Variants in SNX7 observed in about 807,000 individuals in gnomAD.
SNX7 encodes the protein sorting nexin-7.
In SNX7, 35 loss-of-function variants were observed where a neutral mutation model predicts 48.4. That is an observed-to-expected ratio of 0.72 (90% CI 0.55 to 0.96). The LOEUF (loss-of-function observed/expected upper bound fraction) is 0.96, where lower values mean the gene tolerates loss of function less well. Ranked by LOEUF, SNX7 falls within the 40% of genes least tolerant of loss-of-function variation. The pLI, the probability that SNX7 is intolerant of heterozygous loss-of-function variation, is 0.00. For missense variants in SNX7, 553 were observed against 548.9 expected (o/e 1.01, Z -0.07); for synonymous variants, 190 against 190.2 (o/e 1.00, Z 0.01).
intron 8 of SNX7, among the ~76,000 whole-genome samples, chr1:98,754,132 C>A (rs929424410): frequency 6.6e-6 from 1 of 151,818 alleles, no homozygotes; most frequent in Admixed American, 6.6e-5. Context: ...AATTTTTTGT[C>A]TGTTGAGATA....
At chr1:98,744,510 A>G (rs1654226104) in intron 8 of SNX7, among the ~76,000 whole-genome samples, 1 of 151,980 alleles carries the variant, frequency 6.6e-6, no homozygotes, top group Middle Eastern at 3.2e-3. Flanking sequence ...GTCAAATGAG[A>G]GTAGGTATGA....
intron 7 of SNX7, among the ~76,000 whole-genome samples, chr1:98,734,385 A>T (rs1368952302): frequency 6.6e-6 from 1 of 152,144 alleles, no homozygotes; most frequent in Non-Finnish European, 1.5e-5. Context: ...AAAGCCACAG[A>T]CAAGCTTGTC....
At chr1:98,690,968 T>C in intron 2 of SNX7, 107 bp from the exon 3 acceptor site, 1 of 585,720 alleles carries the variant, frequency 1.7e-6, no homozygotes, top group Non-Finnish European at 2.7e-6. Context: ...TTAGGATGTG[T>C]TAATTTTTCT....
rs1386285548 is a variant in SNX7 at position 98,695,495 on chromosome 1, A to G, written c.640-23A>G. 3 of 1,606,596 alleles carry G rather than the reference A, an allele frequency of 1.9e-6. No individual in the cohort carries two copies. The Admixed American group carries it at 5.1e-5, about 27-fold the overall frequency. On this transcript the variant is annotated intron_variant, in intron 4 of 8. Transcript: ENST00000306121. ...GAATATTGAGACTTGTTTCACTAGA[A>G]ATACTTGGTTTTTTGTTTCTAGGAA...
Position 98,695,598 on chromosome 1 carries a change from G to A in SNX7, c.720G>A (p.Met240Ile). The A allele has an allele frequency of 1.2e-6, 2 of 1,614,086 alleles. No homozygotes were observed. Among genetic ancestry groups the A allele is most frequent in the Non-Finnish European group, 8.5e-7 (1 of 1,179,996 alleles). Residue 240 changes from methionine (M) to isoleucine (I), a missense_variant, in exon 5 of 9, where the codon ATG becomes ATA. Met to Ile is a conservative substitution (Grantham distance 10, BLOSUM62 1). Coordinates refer to ENST00000306121, the MANE Select transcript of SNX7 (RefSeq NM_015976.5). ...GQTVRAVASS[M>I]RGVKNRPEEF... Reference sequence around the variant, plus strand: ...CCGTCAGAGCTGTTGCGTCCTCAATGAGAGGAGTTAAAAACCGCCCAGAGG... The same window carrying A: ...CCGTCAGAGCTGTTGCGTCCTCAATAAGAGGAGTTAAAAACCGCCCAGAGG...
At chr1:98,687,731 G>A (rs1017048885) in intron 2 of SNX7, among the ~76,000 whole-genome samples, 1 of 152,014 alleles carries the variant, frequency 6.6e-6, no homozygotes, top group African/African-American at 2.4e-5. Context: ...CCCAGTACTG[G>A]GTAATTTATA....
chr1:98,718,185 T>C (rs921151974), intron 7 of SNX7, among the ~76,000 whole-genome samples: 3 of 152,126 alleles, frequency 2.0e-5, no homozygotes, highest in African/African-American at 7.2e-5. Flanking sequence ...TTTTGTCCAA[T>C]GTCAAATTTT....
At chr1:98,727,903 A>G (rs997355713) in intron 7 of SNX7, among the ~76,000 whole-genome samples, 8 of 152,064 alleles carry the variant, frequency 5.3e-5, no homozygotes, top group African/African-American at 1.2e-4. Flanking sequence ...GACTAAACCT[A>G]TGACTGTTTG....
intron 7 of SNX7, among the ~76,000 whole-genome samples, chr1:98,736,927 T>TA (rs1358373931): frequency 6.6e-6 from 1 of 152,136 alleles, no homozygotes; most frequent in East Asian, 1.9e-4. Context: ...AGGCCCCTTT[T>TA]AAAACATAAG....
chr1:98,744,024 T>C (rs1031524571), intron 8 of SNX7, among the ~76,000 whole-genome samples: 12 of 152,038 alleles, frequency 7.9e-5, no homozygotes, highest in African/African-American at 2.4e-4. Context: ...TGATATGTGC[T>C]CATCTGTGAG....
chr1:98,685,802 T>A, intron 2 of SNX7, among the ~76,000 whole-genome samples: 1 of 152,174 alleles, frequency 6.6e-6, no homozygotes, highest in East Asian at 1.9e-4. Flanking sequence ...CTTCTTCCAA[T>A]GAAACTGCCA....
chr1:98,689,505 A>G (rs1301600206), intron 2 of SNX7, among the ~76,000 whole-genome samples: 5 of 152,122 alleles, frequency 3.3e-5, no homozygotes, highest in African/African-American at 9.7e-5. Flanking sequence ...TTGATTTTAT[A>G]TCTTCTTACT....
chr1:98,678,652 T>TA (rs1650307355), intron 1 of SNX7, among the ~76,000 whole-genome samples: 1 of 152,286 alleles, frequency 6.6e-6, no homozygotes, highest in East Asian at 1.9e-4. Context: ...AGCAAAAACA[T>TA]ACTGGTGCAG....
chr1:98,718,983 G>A (rs934836984), intron 7 of SNX7, among the ~76,000 whole-genome samples: 3 of 152,046 alleles, frequency 2.0e-5, no homozygotes, highest in Non-Finnish European at 4.4e-5. Flanking sequence ...TATAAATAAT[G>A]CTTTAATGAA....
At chr1:98,723,456 A>G (rs190314433) in intron 7 of SNX7, among the ~76,000 whole-genome samples, 170 of 140,394 alleles carry the variant, frequency 1.2e-3, no homozygotes, top group African/African-American at 4.0e-3. Flanking sequence ...AAAACATTTT[A>G]TGGCCTTTTT....
At chr1:98,686,062 C>T (rs2100942554) in intron 2 of SNX7, among the ~76,000 whole-genome samples, 1 of 152,242 alleles carries the variant, frequency 6.6e-6, no homozygotes, top group South Asian at 2.1e-4. Context: ...GGATCTCTTG[C>T]TCTCAAAACT....
intron 8 of SNX7, among the ~76,000 whole-genome samples, chr1:98,759,350 C>T (rs1323423921): frequency 6.6e-6 from 1 of 152,004 alleles, no homozygotes; most frequent in Non-Finnish European, 1.5e-5. Context: ...CATACAGATA[C>T]TTGAGACTAG....
intron 8 of SNX7, among the ~76,000 whole-genome samples, chr1:98,757,773 T>G (rs1468645715): frequency 6.6e-6 from 1 of 152,026 alleles, no homozygotes; most frequent in Non-Finnish European, 1.5e-5. Context: ...AAAGAGCCTT[T>G]CCAGTCCCTG....
intron 4 of SNX7, among the ~76,000 whole-genome samples, chr1:98,693,981 T>C (rs2100960122): frequency 6.6e-6 from 1 of 152,356 alleles, no homozygotes; most frequent in East Asian, 1.9e-4. Flanking sequence ...GATATGTTTC[T>C]GTGCAGTATA....
Sources: allele counts gnomAD v4.1 joint callset (sites outside exome capture counted in the v4.1 genomes callset), GRCh38; gene constraint gnomAD v4.1.1; transcripts MANE v1.5; gene names NCBI Gene and HGNC (gene_info 2026-07-23, HGNC 2026-07-21).